Variants in COL25A1 observed in about 807,000 individuals in gnomAD.
COL25A1 encodes collagen alpha-1(XXV) chain.
COL25A1 carries 103 observed loss-of-function variants against 128.4 expected under a neutral mutation model. That is an observed-to-expected ratio of 0.80 (90% CI 0.68 to 0.94). COL25A1 has a LOEUF of 0.94. COL25A1 is among the 40% of genes least tolerant of loss of function. COL25A1 has a pLI of 0.00. For missense variants in COL25A1, 745 were observed against 840.0 expected (o/e 0.89, Z 1.40); for synonymous variants, 279 against 277.2 (o/e 1.01, Z -0.06).
intron 3 of COL25A1, among the ~76,000 whole-genome samples, chr4:109,067,099 T>C (rs1397624029): frequency 1.3e-5 from 2 of 152,218 alleles, no homozygotes; most frequent in Non-Finnish European, 2.9e-5. Context: ...TTCAAGGTTT[T>C]TTTTGGCTTT....
intron 3 of COL25A1, among the ~76,000 whole-genome samples, chr4:109,144,023 C>T (rs1008520848): frequency 3.9e-5 from 6 of 152,126 alleles, no homozygotes; most frequent in African/African-American, 9.7e-5. Flanking sequence ...TCCTCATCTT[C>T]GTGGATTTAT....
At chr4:108,974,233 A>T (rs1249660289) in intron 8 of COL25A1, 134 bp downstream of exon 8, 1 of 816,410 alleles carries the variant, frequency 1.2e-6, no homozygotes, top group East Asian at 2.5e-5. Flanking sequence ...TTCACTTACA[A>T]GTGGTATGGT....
intron 3 of COL25A1, among the ~76,000 whole-genome samples, chr4:109,129,483 T>C (rs1242787530): frequency 1.3e-5 from 2 of 152,146 alleles, no homozygotes; most frequent in Non-Finnish European, 2.9e-5. Context: ...ATCCCAATCA[T>C]TGTGCTCAAA....
intron 6 of COL25A1, among the ~76,000 whole-genome samples, chr4:108,976,450 G>A (rs1334345139): frequency 6.6e-6 from 1 of 151,982 alleles, no homozygotes; most frequent in Non-Finnish European, 1.5e-5. Flanking sequence ...TCTATTCCTG[G>A]GCCTCATTGA....
chr4:108,951,736 T>C (rs369513404), intron 8 of COL25A1, among the ~76,000 whole-genome samples: 4 of 152,186 alleles, frequency 2.6e-5, no homozygotes, highest in Non-Finnish European at 4.4e-5. Flanking sequence ...AGGAAACTTA[T>C]GTGATGGCAA....
intron 3 of COL25A1, among the ~76,000 whole-genome samples, chr4:109,095,585 G>A (rs1485993142): frequency 5.9e-5 from 9 of 152,172 alleles, no homozygotes; most frequent in Non-Finnish European, 1.3e-4. Context: ...AAGAGATCAC[G>A]CAGAGACAAT....
In COL25A1 at chr4:109,178,274, T is replaced by C. The variant is rs115129951; in HGVS notation, c.367+122309A>G. On this transcript the variant is annotated intron_variant, in intron 3 of 37. Transcript: ENST00000399132. ...TCAAAATGCTAAAAACATTTTCAACTACGTTGGGTAAGGATTTATTAAGTA... is the reference window on the plus strand; with the variant it reads ...TCAAAATGCTAAAAACATTTTCAACCACGTTGGGTAAGGATTTATTAAGTA... Among the ~76,000 whole-genome samples the C allele has an allele frequency of 2.2e-3, 335 of 152,314 alleles. 4 individuals carry two copies. Among genetic ancestry groups the C allele is most frequent in the African/African-American group, 7.9e-3 (327 of 41,576 alleles).
intron 3 of COL25A1, among the ~76,000 whole-genome samples, chr4:109,187,314 T>C (rs1193878225): frequency 6.6e-6 from 1 of 152,140 alleles, no homozygotes; most frequent in African/African-American, 2.4e-5. Context: ...AAATAATTCA[T>C]TAAGCATTTT....
chr4:109,144,182 A>G (rs1770709885), intron 3 of COL25A1, among the ~76,000 whole-genome samples: 1 of 152,168 alleles, frequency 6.6e-6, no homozygotes, highest in African/African-American at 2.4e-5. Context: ...AGTTTGCTAG[A>G]GGTCCATTCC....
At chr4:109,021,270 C>A (rs75310657) in intron 5 of COL25A1, among the ~76,000 whole-genome samples, 2,338 of 152,312 alleles carry the variant, frequency 0.015, 58 homozygotes, top group East Asian at 0.13. Context: ...AAGGCACAAG[C>A]CAGTAATGGC....
chr4:109,134,593 T>C (rs375326149), intron 3 of COL25A1, among the ~76,000 whole-genome samples: 1 of 152,040 alleles, frequency 6.6e-6, no homozygotes, highest in African/African-American at 2.4e-5. Flanking sequence ...CCTCAGGTGT[T>C]TGGGGAAGAA....
At position 108,809,379 on chromosome 4, in the gene COL25A1, A is replaced by C. The variant is rs914027588; in HGVS notation, c.*4548T>G. On this transcript the variant is annotated 3_prime_UTR_variant, in exon 38 of 38. Coordinates refer to ENST00000399132, the MANE Select transcript of COL25A1 (RefSeq NM_198721.4). ...TGAAACATTTACAACAGTATAAAGAATATTCACATAAATGTCAACAGTATG... is the reference window on the plus strand; with the variant it reads ...TGAAACATTTACAACAGTATAAAGACTATTCACATAAATGTCAACAGTATG... 7 of 152,178 alleles carry C rather than the reference A, an allele frequency of 4.6e-5. No individual in the cohort carries two copies. Among genetic ancestry groups the C allele is most frequent in the African/African-American group, 1.7e-4 (7 of 41,470 alleles). 9.4% of individuals were successfully genotyped at this position (152,178 alleles called of 1,614,324 possible). A position where few individuals can be genotyped will look rare whatever the true frequency, so the allele number is the denominator to read the frequency against.
At chr4:108,895,558 C>G (rs1172691365) in intron 16 of COL25A1, among the ~76,000 whole-genome samples, 1 of 152,106 alleles carries the variant, frequency 6.6e-6, no homozygotes, top group East Asian at 1.9e-4. Context: ...AAGACTACTG[C>G]AGTATAAATG....
At chr4:108,941,935 A>G (rs1748155247) in intron 8 of COL25A1, among the ~76,000 whole-genome samples, 1 of 152,218 alleles carries the variant, frequency 6.6e-6, no homozygotes, top group African/African-American at 2.4e-5. Context: ...ATGCTTGTAA[A>G]TTAAGCCATC....
chr4:109,090,041 T>G (rs1015149426), intron 3 of COL25A1, among the ~76,000 whole-genome samples: 2 of 152,152 alleles, frequency 1.3e-5, no homozygotes, highest in African/African-American at 4.8e-5. Context: ...TGTAAAACAT[T>G]TCTAGTTAAG....
At chr4:109,171,693 C>T (rs561367332) in intron 3 of COL25A1, among the ~76,000 whole-genome samples, 1 of 152,282 alleles carries the variant, frequency 6.6e-6, no homozygotes, top group East Asian at 1.9e-4. Flanking sequence ...TGAATAGCCA[C>T]TACTTTGACA....
chr4:108,983,781 G>A (rs767282759), intron 6 of COL25A1, among the ~76,000 whole-genome samples: 31 of 151,566 alleles, frequency 2.0e-4, no homozygotes, highest in Non-Finnish European at 1.6e-4. Context: ...CTGTGGGTTC[G>A]TGGTCTCGCT....
chr4:108,814,207 A>T (rs1443204359), intron 37 of COL25A1, among the ~76,000 whole-genome samples: 1 of 152,182 alleles, frequency 6.6e-6, no homozygotes, highest in Non-Finnish European at 1.5e-5. Context: ...ATTTTAGGGT[A>T]AGTCTTTTGC....
rs562529710 is a variant in COL25A1, at chr4:108,872,570, A to G, written c.1021-3420T>C. On this transcript the variant is annotated intron_variant, in intron 19 of 37. Transcript: ENST00000399132. Reference sequence around the variant, plus strand: ...GGCTAACCTTCCCCTGTCCAATTACATATCTGCATGAGGCCAGTTTTTCTT... The same window carrying G: ...GGCTAACCTTCCCCTGTCCAATTACGTATCTGCATGAGGCCAGTTTTTCTT... 1.5e-4 allele frequency among the ~76,000 whole-genome samples: 23 copies of G among 152,302 alleles called. No homozygotes were observed. The East Asian group carries it at 2.3e-3, about 15-fold the overall frequency.
Sources: gnomAD v4.1 joint callset for allele counts (sites outside exome capture counted in the v4.1 genomes callset) on GRCh38, gnomAD v4.1.1 for gene constraint, MANE v1.5 for transcripts, NCBI Gene and HGNC (gene_info 2026-07-23, HGNC 2026-07-21) for gene names.